The following EPHA6 variants were observed in gnomAD, a reference collection of about 807,000 sequenced individuals.
The protein encoded by EPHA6 is ephrin type-A receptor 6.
A neutral mutation model predicts 112.0 loss-of-function variants in EPHA6; 50 were observed. The ratio of observed to expected loss-of-function variants is 0.45; its 90% CI spans 0.36 to 0.56. The LOEUF is 0.56. Among genes scored for constraint, EPHA6 ranks in the 20% least tolerant of loss-of-function variants. The pLI, the probability that EPHA6 is intolerant of heterozygous loss-of-function variation, is 0.00. For missense variants in EPHA6, 1,280 were observed against 1,417.4 expected (o/e 0.90, Z 1.56); for synonymous variants, 529 against 490.7 (o/e 1.08, Z -1.03).
intron 15 of EPHA6, among the ~76,000 whole-genome samples, chr3:97,723,600 T>C (rs1272980371): frequency 6.6e-6 from 1 of 151,994 alleles, no homozygotes; most frequent in Non-Finnish European, 1.5e-5. Flanking sequence ...TTCCACTAGG[T>C]AGGGTTTAAG....
intron 3 of EPHA6, among the ~76,000 whole-genome samples, chr3:97,225,946 A>G (rs1022982788): frequency 6.6e-6 from 1 of 152,174 alleles, no homozygotes; most frequent in Non-Finnish European, 1.5e-5. Context: ...ACTGCCAGTC[A>G]TGGGCATCCC....
chr3:97,518,542 T>C (rs1365483827), intron 10 of EPHA6, among the ~76,000 whole-genome samples: 1 of 152,032 alleles, frequency 6.6e-6, no homozygotes, highest in Non-Finnish European at 1.5e-5. Flanking sequence ...TTTTTTCTTT[T>C]TGAGAGATCC....
intron 5 of EPHA6, among the ~76,000 whole-genome samples, chr3:97,245,538 C>A (rs2078963716): frequency 6.6e-6 from 1 of 151,902 alleles, no homozygotes; most frequent in Non-Finnish European, 1.5e-5. Context: ...AAATAAAATA[C>A]ATTGATTTGA....
At chr3:97,107,889 C>A (rs990509663) in intron 3 of EPHA6, among the ~76,000 whole-genome samples, 1 of 152,098 alleles carries the variant, frequency 6.6e-6, no homozygotes, top group African/African-American at 2.4e-5. Flanking sequence ...CTAAGGATCT[C>A]ATTGTAGTTT....
intron 11 of EPHA6, chr3:97,559,509 C>A: frequency 1.3e-5 from 5 of 389,062 alleles, no homozygotes; most frequent in South Asian, 7.6e-5. Context: ...TAAGAAGGCA[C>A]AAAGAAATCA....
At chr3:97,011,525 T>TAC (rs2044084814) in intron 3 of EPHA6, among the ~76,000 whole-genome samples, 1 of 152,218 alleles carries the variant, frequency 6.6e-6, no homozygotes, top group Non-Finnish European at 1.5e-5. Flanking sequence ...CTATACTGGT[T>TAC]ACATTAGGAG....
At position 96,935,331 on chromosome 3, in the gene EPHA6, T is replaced by C. The variant is rs577599690; in HGVS notation, c.451-51999T>C. Among the ~76,000 whole-genome samples, 9 of 151,886 alleles carry C rather than the reference T, an allele frequency of 5.9e-5. No individual in the cohort carries two copies. In the South Asian group the frequency reaches 1.9e-3, roughly 32 times the overall value. On this transcript the variant is annotated intron_variant, in intron 2 of 17. Coordinates refer to ENST00000389672, the MANE Select transcript of EPHA6 (RefSeq NM_001080448.3). Reference sequence around the variant, plus strand: ...GAACAAATTAAGAATGATATATTATTCCAGGATACAATATTATCTTTTCCA... The same window carrying C: ...GAACAAATTAAGAATGATATATTATCCCAGGATACAATATTATCTTTTCCA...
At chr3:97,090,913 A>G (rs1233859167) in intron 3 of EPHA6, among the ~76,000 whole-genome samples, 1 of 152,140 alleles carries the variant, frequency 6.6e-6, no homozygotes, top group Non-Finnish European at 1.5e-5. Flanking sequence ...AGAAAAATTT[A>G]CGAATATATG....
At chr3:97,060,755 CA>C (rs1037112773) in intron 3 of EPHA6, among the ~76,000 whole-genome samples, 72 of 146,284 alleles carry the variant, frequency 4.9e-4, no homozygotes, top group Middle Eastern at 3.5e-3. Flanking sequence ...ACTAAAAATA[CA>C]AAAAAAAAAT....
intron 5 of EPHA6, among the ~76,000 whole-genome samples, chr3:97,255,582 G>A (rs2079283825): frequency 6.6e-6 from 1 of 152,146 alleles, no homozygotes; most frequent in African/African-American, 2.4e-5. Flanking sequence ...AAATACTACA[G>A]GGTGGTATAG....
chr3:97,427,137 T>C (rs2089185252), intron 6 of EPHA6, among the ~76,000 whole-genome samples: 1 of 152,196 alleles, frequency 6.6e-6, no homozygotes, highest in African/African-American at 2.4e-5. Flanking sequence ...ACTGTGGCGA[T>C]TCCTCAAAGA....
Position 97,641,608 on chromosome 3 carries a change from A to G in EPHA6, c.2784+3526A>G, listed in dbSNP as rs375521113. On this transcript the variant is annotated intron_variant, in intron 14 of 17. Coordinates refer to ENST00000389672, the MANE Select transcript of EPHA6 (RefSeq NM_001080448.3). ...GCGCACCATGCGCGAGCCGAAGCAG[A>G]GCGAGGCATTGCCTCCCTTGGGAAG... 9.2e-5 allele frequency among the ~76,000 whole-genome samples: 14 copies of G among 152,362 alleles called. No homozygotes were observed. In the East Asian group the frequency reaches 9.7e-4, roughly 11 times the overall value.
At chr3:97,425,154 G>A (rs913259876) in intron 6 of EPHA6, among the ~76,000 whole-genome samples, 1 of 152,160 alleles carries the variant, frequency 6.6e-6, no homozygotes, top group African/African-American at 2.4e-5. Flanking sequence ...CAAGCTGTCC[G>A]TGGATCTGCC....
intron 3 of EPHA6, among the ~76,000 whole-genome samples, chr3:97,025,603 T>C (rs1188695053): frequency 6.6e-6 from 1 of 152,164 alleles, no homozygotes; most frequent in Non-Finnish European, 1.5e-5. Context: ...GTCTTTTTTA[T>C]TTTTTAAAAA....
chr3:96,924,043 C>T (rs958336829), intron 2 of EPHA6, among the ~76,000 whole-genome samples: 3 of 152,028 alleles, frequency 2.0e-5, no homozygotes, highest in Non-Finnish European at 4.4e-5. Flanking sequence ...TTTTGTTACT[C>T]TAGCCTAGTA....
chr3:97,019,195 G>C (rs563289935), intron 3 of EPHA6, among the ~76,000 whole-genome samples: 1 of 152,058 alleles, frequency 6.6e-6, no homozygotes, highest in Non-Finnish European at 1.5e-5. Context: ...GGAACAGCTC[G>C]TGTCCTCGGT....
At chr3:97,675,671 A>T (rs2031305344) in intron 14 of EPHA6, among the ~76,000 whole-genome samples, 1 of 152,178 alleles carries the variant, frequency 6.6e-6, no homozygotes, top group East Asian at 1.9e-4. Flanking sequence ...CTCTGAATAT[A>T]TATTTATATA....
chr3:97,198,453 C>T (rs563036762), intron 3 of EPHA6, among the ~76,000 whole-genome samples: 5 of 152,140 alleles, frequency 3.3e-5, no homozygotes, highest in East Asian at 3.9e-4. Context: ...AAGTTTAGCC[C>T]GAGTACTATA....
intron 2 of EPHA6, among the ~76,000 whole-genome samples, chr3:96,941,503 A>AT (rs1415764443): frequency 6.6e-6 from 1 of 152,044 alleles, no homozygotes; most frequent in East Asian, 1.9e-4. Flanking sequence ...CATTCGTCTA[A>AT]TTTTTTTGAA....
Sources: allele counts gnomAD v4.1 joint callset (sites outside exome capture counted in the v4.1 genomes callset), GRCh38; gene constraint gnomAD v4.1.1; transcripts MANE v1.5; gene names NCBI Gene and HGNC (gene_info 2026-07-23, HGNC 2026-07-21).